Variants in LANCL2 observed in about 807,000 individuals in gnomAD.
LANCL2 encodes the protein LanC like glutathione S-transferase 2.
LANCL2 carries 33 observed loss-of-function variants against 56.9 expected under a neutral mutation model. The observed-to-expected ratio is 0.58, with a 90% CI of 0.44 to 0.78. The LOEUF (loss-of-function observed/expected upper bound fraction) is 0.78, where lower values mean the gene tolerates loss of function less well. LANCL2 is among the 30% of genes least tolerant of loss of function. LANCL2 has a pLI of 0.00. For missense variants in LANCL2, 562 were observed against 580.2 expected, an observed-to-expected ratio of 0.97 and a Z score of 0.32; for synonymous variants, 233 against 228.2, an observed-to-expected ratio of 1.02 and a Z score of -0.19.
At chr7:55,410,814 T>C (rs1790461941) in intron 5 of LANCL2, among the ~76,000 whole-genome samples, 1 of 152,162 alleles carries the variant, frequency 6.6e-6, no homozygotes, top group African/African-American at 2.4e-5. Flanking sequence ...TGTGAATGTG[T>C]CACCCTAAAG....
At chr7:55,410,084 T>C (rs1790454924) in intron 5 of LANCL2, among the ~76,000 whole-genome samples, 1 of 152,186 alleles carries the variant, frequency 6.6e-6, no homozygotes, top group South Asian at 2.1e-4. Context: ...GGCACAGCCA[T>C]GCATGGATTG....
At chr7:55,406,126 G>T (rs751374576) in intron 5 of LANCL2, among the ~76,000 whole-genome samples, 7 of 152,184 alleles carry the variant, frequency 4.6e-5, no homozygotes, top group Non-Finnish European at 1.0e-4. Context: ...TGTATGTGTC[G>T]GTGAGCTGCA....
At chr7:55,371,334 C>T (rs1269363872) in intron 1 of LANCL2, among the ~76,000 whole-genome samples, 3 of 152,118 alleles carry the variant, frequency 2.0e-5, no homozygotes, top group Non-Finnish European at 4.4e-5. Context: ...AATTATCCTC[C>T]CACCACAGCT....
chr7:55,427,627 A>G (rs1790679068), intron 7 of LANCL2, among the ~76,000 whole-genome samples: 1 of 152,262 alleles, frequency 6.6e-6, no homozygotes, highest in African/African-American at 2.4e-5. Context: ...TAGATGGGCC[A>G]TCAAACAAGC....
intron 5 of LANCL2, among the ~76,000 whole-genome samples, chr7:55,407,441 C>T (rs1790421287): frequency 6.6e-6 from 1 of 152,116 alleles, no homozygotes; most frequent in Admixed American, 6.5e-5. Context: ...TTTGAAAGCC[C>T]CCATTAAAAA....
chr7:55,366,319 G>A (rs1789867397), intron 1 of LANCL2, 90 bp downstream of exon 1: 1 of 1,206,308 alleles, frequency 8.3e-7, no homozygotes, highest in Non-Finnish European at 1.1e-6. Context: ...TCACAGGCGC[G>A]CGCCGGGCTT....
In LANCL2 at chr7:55,432,890, C is replaced by G. The variant is rs1204915408; in HGVS notation, c.*1570C>G. The G allele has an allele frequency of 6.6e-6, 1 of 152,202 alleles. No individual in the cohort carries two copies. Among genetic ancestry groups the G allele is most frequent in the Non-Finnish European group, 1.5e-5 (1 of 68,032 alleles). The allele number at this position is 152,202 out of a possible 1,614,324, so 9.4% of individuals were successfully genotyped here. ...TCCTGATCCTATTTTACCTGGCCTC[C>G]AGGGCCTGTTGATGGGCTTTGCAGG... On this transcript the variant is annotated 3_prime_UTR_variant, in exon 9 of 9. Coordinates refer to ENST00000254770, the MANE Select transcript of LANCL2 (RefSeq NM_018697.4).
intron 1 of LANCL2, among the ~76,000 whole-genome samples, chr7:55,389,114 G>A (rs528337180): frequency 3.3e-5 from 5 of 152,274 alleles, no homozygotes; most frequent in Admixed American, 6.5e-5. Flanking sequence ...CTAAGGAAGC[G>A]AATTTGATGT....
chr7:55,401,072 C>A, intron 4 of LANCL2, 102 bp from the exon 5 acceptor site: 1 of 811,132 alleles, frequency 1.2e-6, no homozygotes, highest in Non-Finnish European at 1.8e-6. Flanking sequence ...AGGCTTCTGC[C>A]TCTCTCTCTA....
intron 1 of LANCL2, among the ~76,000 whole-genome samples, chr7:55,377,861 T>C (rs1161082768): frequency 1.3e-5 from 2 of 152,226 alleles, no homozygotes; most frequent in Admixed American, 6.5e-5. Flanking sequence ...ATGTGGCAGG[T>C]ACATATTTCT....
intron 5 of LANCL2, among the ~76,000 whole-genome samples, chr7:55,408,200 A>G (rs1471488556): frequency 6.6e-6 from 1 of 152,256 alleles, no homozygotes; most frequent in African/African-American, 2.4e-5. Context: ...TAAGTTCATG[A>G]AAATGGGAAG....
At chr7:55,415,537 T>C (rs921142611) in intron 6 of LANCL2, among the ~76,000 whole-genome samples, 1 of 152,176 alleles carries the variant, frequency 6.6e-6, no homozygotes, top group Admixed American at 6.5e-5. Context: ...ATACTTTTTT[T>C]CCTCCTTACT....
rs1789858184 is a variant in LANCL2, at chr7:55,366,024, A to G, written c.-2A>G. The stretch of plus-strand genomic sequence containing the variant: ...CCGCCCGCGCGCCGTACCGCGGCGG[A>G]GATGGGCGAGACCATGTCAAAGAGG... On this transcript the variant is annotated 5_prime_UTR_variant, in exon 1 of 9. Coordinates refer to ENST00000254770, the MANE Select transcript of LANCL2 (RefSeq NM_018697.4). 2.8e-6 allele frequency: 4 copies of G among 1,445,176 alleles called. No homozygotes were observed. Among genetic ancestry groups the G allele is most frequent in the Middle Eastern group, 1.8e-4 (1 of 5,550 alleles). The allele number at this position is 1,445,176 out of a possible 1,614,324, so 89.5% of individuals were successfully genotyped here. A position where few individuals can be genotyped will look rare whatever the true frequency, so the allele number is the denominator to read the frequency against.
At chr7:55,389,717 T>C (rs1463123327) in intron 1 of LANCL2, among the ~76,000 whole-genome samples, 1 of 152,188 alleles carries the variant, frequency 6.6e-6, no homozygotes, top group Non-Finnish European at 1.5e-5. Flanking sequence ...ATGATGGCCT[T>C]CATCAGCAAA....
chr7:55,400,034 A>T lies in LANCL2; in HGVS notation c.608A>T (p.Tyr203Phe). 6.2e-7 allele frequency: 1 copy of T among 1,613,876 alleles called. No homozygotes were observed. The highest frequency in any genetic ancestry group is 8.5e-7 in the Non-Finnish European group (1 of 1,179,854). Residue 203 changes from tyrosine to phenylalanine, a missense_variant, in exon 4 of 9, where the codon TAT becomes TTT. This residue lies in a region of LANCL2 where 378 missense variants were observed against 468.4 expected (regional missense o/e 0.81). Transcript: ENST00000254770. ...PDELLYGRAG[Y>F]LYALLYLNTE... ...GAGCTGCTTTATGGACGGGCAGGTTATCTGTATGCCTTACTGTACCTGAAC... is the reference window on the plus strand; with the variant it reads ...GAGCTGCTTTATGGACGGGCAGGTTTTCTGTATGCCTTACTGTACCTGAAC...
chr7:55,403,309 G>A (rs1241704147), intron 5 of LANCL2, among the ~76,000 whole-genome samples: 5 of 152,198 alleles, frequency 3.3e-5, no homozygotes, highest in Non-Finnish European at 7.3e-5. Context: ...CAGGCATGGC[G>A]GCGCGCGCCT....
Position 55,425,297 on chromosome 7 carries a change from G to A in LANCL2, c.1052G>A (p.Ser351Asn). Residue 351 changes from serine (S) to asparagine (N), a missense_variant, in exon 7 of 9, where the codon AGC becomes AAC. Ser to Asn is a conservative substitution (Grantham distance 46, BLOSUM62 1). This residue lies in a region of LANCL2 where 378 missense variants were observed against 468.4 expected (regional missense o/e 0.81). Transcript: ENST00000254770. The stretch of plus-strand genomic sequence containing the variant: ...TACTTGAAAGAGGCCATGGAGTGTA[G>A]CGATGTGATTTGGCAGCGAGGTTTG... Reference protein sequence around the residue: ...EKYLKEAMECSDVIWQRGLLR... With the variant: ...EKYLKEAMECNDVIWQRGLLR... 6.2e-7 allele frequency: 1 copy of A among 1,614,210 alleles called. No individual in the cohort carries two copies. Among genetic ancestry groups the A allele is most frequent in the Non-Finnish European group, 8.5e-7 (1 of 1,180,038 alleles).
intron 1 of LANCL2, among the ~76,000 whole-genome samples, chr7:55,368,486 G>A (rs1204104246): frequency 1.3e-5 from 2 of 152,144 alleles, no homozygotes; most frequent in Non-Finnish European, 2.9e-5. Context: ...TTTAAAAGGT[G>A]GAAAGATTGC....
Position 55,409,902 on chromosome 7 carries a change from T to A in LANCL2, c.826-2005T>A, listed in dbSNP as rs541557847. Among the ~76,000 whole-genome samples the A allele has an allele frequency of 1.5e-3, 228 of 152,284 alleles. 1 individual carries two copies. Among genetic ancestry groups the A allele is most frequent in the Admixed American group, 3.7e-3 (57 of 15,292 alleles). On this transcript the variant is annotated intron_variant, in intron 5 of 8. Coordinates refer to ENST00000254770, the MANE Select transcript of LANCL2 (RefSeq NM_018697.4). ...TATCTGTAATTCAGTGTATTTCCTG[T>A]TTCAGGAGCAAACAATATTTGCATA...
Sources: allele counts gnomAD v4.1 joint callset (sites outside exome capture counted in the v4.1 genomes callset), GRCh38; gene constraint gnomAD v4.1.1; regional missense constraint gnomAD v4.1.1; transcripts MANE v1.5; gene names NCBI Gene and HGNC (gene_info 2026-07-23, HGNC 2026-07-21).